Variants in MVB12B observed in about 807,000 individuals in gnomAD.
MVB12B encodes ESCRT-I complex subunit MVB12B.
MVB12B carries 16 observed loss-of-function variants against 41.6 expected under a neutral mutation model. The observed-to-expected ratio is 0.38, with a 90% CI of 0.26 to 0.58. MVB12B has a LOEUF of 0.58. Among genes scored for constraint, MVB12B ranks in the 20% least tolerant of loss-of-function variants. The probability of loss-of-function intolerance (pLI) is 0.62; values close to 1 mark genes in which losing one functional copy is unlikely to be tolerated. For synonymous variants in MVB12B, 133 were observed against 139.7 expected, an observed-to-expected ratio of 0.95 and a Z score of 0.34; for missense variants, 274 against 380.2, an observed-to-expected ratio of 0.72 and a Z score of 2.32.
In MVB12B at chr9:126,367,934, C is replaced by T. The variant is rs1489794042; in HGVS notation, c.205-13130C>T. Among the ~76,000 whole-genome samples the T allele has an allele frequency of 2.0e-5, 3 of 152,082 alleles. No individual in the cohort carries two copies. Among genetic ancestry groups the T allele is most frequent in the African/African-American group, 7.2e-5 (3 of 41,400 alleles). ...GGAGTGCCTGACATATCATAAATGGCTAGAGAATGTTTGCTGAAAGAAAAG... is the reference window on the plus strand; with the variant it reads ...GGAGTGCCTGACATATCATAAATGGTTAGAGAATGTTTGCTGAAAGAAAAG... On this transcript the variant is annotated intron_variant, in intron 2 of 9. Transcript: ENST00000361171. This position sits in a 1 kb window ranked among gnomAD's most constrained non-coding sequence, Gnocchi z 4.3.
At chr9:126,460,185 C>T (rs1408892001) in intron 7 of MVB12B, among the ~76,000 whole-genome samples, 5 of 152,074 alleles carry the variant, frequency 3.3e-5, no homozygotes, top group African/African-American at 9.7e-5. Flanking sequence ...CAGACCTCCT[C>T]GGCAGGGTGG....
chr9:126,438,793 A>G (rs1832559234), intron 7 of MVB12B, among the ~76,000 whole-genome samples: 2 of 152,236 alleles, frequency 1.3e-5, no homozygotes, highest in East Asian at 1.9e-4. Context: ...CAGTAAATCC[A>G]TAGAAAAATA....
At chr9:126,406,267 C>A (rs181743147) in intron 6 of MVB12B, among the ~76,000 whole-genome samples, 1 of 152,340 alleles carries the variant, frequency 6.6e-6, no homozygotes, top group Non-Finnish European at 1.5e-5. Flanking sequence ...CTCGACCTTG[C>A]ATGGGACCAA....
At chr9:126,499,901 CG>C (rs1833918055) in intron 9 of MVB12B, among the ~76,000 whole-genome samples, 1 of 152,042 alleles carries the variant, frequency 6.6e-6, no homozygotes, top group Non-Finnish European at 1.5e-5. Context: ...CAGCCCAGCC[CG>C]GAGGGCCCAG....
intron 7 of MVB12B, among the ~76,000 whole-genome samples, chr9:126,422,304 A>G (rs77603792): frequency 2.8e-4 from 43 of 152,132 alleles, no homozygotes; most frequent in African/African-American, 9.9e-4. Flanking sequence ...TGGTCGGCTC[A>G]CCCTCCCATA....
intron 9 of MVB12B, among the ~76,000 whole-genome samples, chr9:126,495,476 TACTTTTAATAGTC>T (rs1833811067): frequency 1.3e-5 from 2 of 152,260 alleles, no homozygotes; most frequent in African/African-American, 4.8e-5. Flanking sequence ...TTCATTTTCC[TACTTTTAATAGTC>T]ACAAGTACGA....
At chr9:126,447,829 T>C (rs1186057615) in intron 7 of MVB12B, among the ~76,000 whole-genome samples, 1 of 152,240 alleles carries the variant, frequency 6.6e-6, no homozygotes, top group Non-Finnish European at 1.5e-5. Flanking sequence ...GGTTTTATTT[T>C]GTATGTTCCT....
At chr9:126,447,072 G>A (rs1217933813) in intron 7 of MVB12B, among the ~76,000 whole-genome samples, 1 of 150,544 alleles carries the variant, frequency 6.6e-6, no homozygotes, top group Non-Finnish European at 1.5e-5. Context: ...AACCTCCTGA[G>A]TAGCTAGGAC....
intron 2 of MVB12B, among the ~76,000 whole-genome samples, chr9:126,356,050 T>A (rs1051471181): frequency 2.6e-4 from 39 of 152,318 alleles, no homozygotes; most frequent in African/African-American, 8.2e-4. Flanking sequence ...GATGTGACCT[T>A]TTTTGTTTGG....
At chr9:126,503,073 G>A (rs767935375) in intron 9 of MVB12B, 104 bp from the exon 10 acceptor site, 15 of 1,034,980 alleles carry the variant, frequency 1.4e-5, no homozygotes, top group South Asian at 6.8e-5. Flanking sequence ...GATGCCCCAC[G>A]AGGCGGCCCA....
intron 7 of MVB12B, among the ~76,000 whole-genome samples, chr9:126,467,998 A>G (rs956400317): frequency 6.6e-6 from 1 of 152,248 alleles, no homozygotes; most frequent in African/African-American, 2.4e-5. Context: ...ACATATACAT[A>G]TAAGTGTACA....
intron 2 of MVB12B, among the ~76,000 whole-genome samples, chr9:126,379,084 G>A (rs1005830070): frequency 1.3e-5 from 2 of 152,230 alleles, no homozygotes. Flanking sequence ...TGGTTCCACA[G>A]CCTTGGAGCG....
At chr9:126,398,956 G>A (rs529145868) in intron 6 of MVB12B, among the ~76,000 whole-genome samples, 1 of 152,224 alleles carries the variant, frequency 6.6e-6, no homozygotes, top group South Asian at 2.1e-4. Context: ...ACCGTCTGTA[G>A]GCCATCACCT....
At chr9:126,445,080 G>A (rs1381405924) in intron 7 of MVB12B, among the ~76,000 whole-genome samples, 1 of 151,962 alleles carries the variant, frequency 6.6e-6, no homozygotes, top group African/African-American at 2.4e-5. Flanking sequence ...TAAGTTCCAA[G>A]GAAAATACTT....
chr9:126,417,274 T>A (rs905704589), intron 6 of MVB12B, among the ~76,000 whole-genome samples: 4 of 152,258 alleles, frequency 2.6e-5, no homozygotes, highest in Non-Finnish European at 4.4e-5. Context: ...AGATCCCTAC[T>A]GAGCAGTTAT....
At chr9:126,398,929 C>A (rs1400138621) in intron 6 of MVB12B, among the ~76,000 whole-genome samples, 1 of 152,246 alleles carries the variant, frequency 6.6e-6, no homozygotes, top group Non-Finnish European at 1.5e-5. Flanking sequence ...TTACTTCAGA[C>A]AAAGGTGGAT....
At chr9:126,346,607 T>C (rs552857574) in intron 2 of MVB12B, among the ~76,000 whole-genome samples, 2 of 152,206 alleles carry the variant, frequency 1.3e-5, no homozygotes, top group African/African-American at 2.4e-5. Flanking sequence ...CATCCTCATA[T>C]AGCAAGGACT....
At chr9:126,398,579 C>T (rs1471205512) in intron 6 of MVB12B, among the ~76,000 whole-genome samples, 2 of 152,214 alleles carry the variant, frequency 1.3e-5, no homozygotes, top group African/African-American at 4.8e-5. Context: ...TCTCAGGTAG[C>T]CTTAACCATA....
chr9:126,343,873 C>G (rs925196173), intron 2 of MVB12B, among the ~76,000 whole-genome samples: 2 of 152,150 alleles, frequency 1.3e-5, no homozygotes. Flanking sequence ...GCCGAGACTG[C>G]GCCACTGCGC....
Sources: allele counts gnomAD v4.1 joint callset (sites outside exome capture counted in the v4.1 genomes callset), GRCh38; gene constraint gnomAD v4.1.1; non-coding constraint Gnocchi (gnomAD v3.1); transcripts MANE v1.5; gene names NCBI Gene and HGNC (gene_info 2026-07-23, HGNC 2026-07-21).